Variants in TRIP11 observed in about 807,000 individuals in gnomAD.
The protein encoded by TRIP11 is thyroid hormone receptor interactor 11.
In TRIP11, 148 loss-of-function variants were observed where a neutral mutation model predicts 223.1. The ratio of observed to expected loss-of-function variants is 0.66; its 90% CI spans 0.58 to 0.76. TRIP11 has a LOEUF of 0.76. Ranked by LOEUF, TRIP11 falls within the 30% of genes least tolerant of loss-of-function variation. TRIP11 has a pLI of 0.00. For synonymous variants in TRIP11, 762 were observed against 772.6 expected (o/e 0.99, Z 0.23); for missense variants, 2,043 against 2,222.0 (o/e 0.92, Z 1.62).
intron 16 of TRIP11, among the ~76,000 whole-genome samples, chr14:91,984,218 T>C (rs1595371519): frequency 1.3e-5 from 2 of 152,326 alleles, no homozygotes; most frequent in East Asian, 3.9e-4. Flanking sequence ...CACTTTTCTT[T>C]GCACACCATA....
chr14:92,031,731 T>C (rs2057267638), intron 2 of TRIP11, among the ~76,000 whole-genome samples: 1 of 152,244 alleles, frequency 6.6e-6, no homozygotes, highest in African/African-American at 2.4e-5. Flanking sequence ...TCAAAGAACA[T>C]TGCTTATTTT....
chr14:92,022,871 T>C (rs1464630582), intron 3 of TRIP11, among the ~76,000 whole-genome samples: 1 of 152,172 alleles, frequency 6.6e-6, no homozygotes, highest in Non-Finnish European at 1.5e-5. Context: ...TATAGTACTG[T>C]ACAAATTTCA....
In TRIP11 at chr14:92,003,661, G is replaced by T; in HGVS notation, c.4315C>A (p.Leu1439Ile). Reference sequence around the variant, plus strand: ...AGGTTTGTTACTGCCTGCCTCAAAAGTTCGTTTTCATTTACTTTGTTAGTG... The same window carrying T: ...AGGTTTGTTACTGCCTGCCTCAAAATTTCGTTTTCATTTACTTTGTTAGTG... Reference protein sequence around the residue: ...NFTNKVNENELLRQAVTNLKE... With the variant: ...NFTNKVNENEILRQAVTNLKE... Residue 1439 changes from leucine to isoleucine, a missense_variant, in exon 11 of 21, where the codon CTT (leucine) becomes ATT (isoleucine). Leu to Ile is a conservative substitution (Grantham distance 5). Transcript: ENST00000267622. 6.2e-7 allele frequency: 1 copy of T among 1,614,124 alleles called. No individual in the cohort carries two copies. The highest frequency in any genetic ancestry group is 8.5e-7 in the Non-Finnish European group (1 of 1,180,012).
At chr14:91,988,246 T>G in intron 16 of TRIP11, 38 bp downstream of exon 16, 1 of 1,482,844 alleles carries the variant, frequency 6.7e-7, no homozygotes, top group Non-Finnish European at 9.4e-7. Context: ...TTAATATCAG[T>G]ATTGTAGTGG....
Position 92,004,275 on chromosome 14 carries a change from T to C in TRIP11, c.3701A>G (p.Asn1234Ser). 1 of 1,614,112 alleles carries C rather than the reference T, an allele frequency of 6.2e-7. No homozygotes were observed. The highest frequency in any genetic ancestry group is 8.5e-7 in the Non-Finnish European group (1 of 1,180,016). Residue 1234 changes from asparagine to serine, a missense_variant, in exon 11 of 21, where the codon AAT becomes AGT. By Grantham distance (46) the Asn-to-Ser change is conservative. Transcript: ENST00000267622. ...AAGCTGGGCTGACTCGTGTTGCATA[T>C]TTTGTACTGTGGTCATCACCTGCTG... ...WKQQVMTTVQ[N>S]MQHESAQLQE...
At chr14:92,011,886 G>C in intron 7 of TRIP11, 91 bp from the exon 8 acceptor site, 2 of 1,175,932 alleles carry the variant, frequency 1.7e-6, no homozygotes, top group Non-Finnish European at 2.5e-6. Context: ...CCCAATTAAA[G>C]TGTATATAAG....
rs2140156469 is a variant in TRIP11, at chr14:92,039,754, C to T, written c.-69G>A. On this transcript the variant is annotated 5_prime_UTR_variant, in exon 1 of 21. Transcript: ENST00000267622. The stretch of plus-strand genomic sequence containing the variant: ...AAACGTTTAGCGCCGCCGGGCGATC[C>T]GACCAAATATCCTTGAACGCCTGCC... 6.4e-7 allele frequency: 1 copy of T among 1,561,972 alleles called. No homozygotes were observed. The highest frequency in any genetic ancestry group is 2.4e-5 in the East Asian group (1 of 42,268).
chr14:92,011,905 G>T, intron 7 of TRIP11, 110 bp from the exon 8 acceptor site: 1 of 914,398 alleles, frequency 1.1e-6, no homozygotes, highest in Non-Finnish European at 1.7e-6. Context: ...AGCACCACTG[G>T]CAAGCAGTAA....
chr14:92,006,023 A>T lies in TRIP11; in HGVS notation c.1953T>A (p.Val651=), dbSNP rs755031158. Residue 651 remains valine, a synonymous_variant, in exon 11 of 21, where the codon GTT becomes GTA. Coordinates refer to ENST00000267622, the MANE Select transcript of TRIP11 (RefSeq NM_004239.4). ...DTLLKEREAE[V]RNLKQNLSEL... The stretch of plus-strand genomic sequence containing the variant: ...CTGAAAGATTTTGCTTTAAGTTTCT[A>T]ACTTCAGCTTCTCTTTCTTTAAGTA... The T allele has an allele frequency of 6.3e-7, 1 of 1,588,170 alleles. No individual in the cohort carries two copies. Among genetic ancestry groups the T allele is most frequent in the Non-Finnish European group, 8.5e-7 (1 of 1,171,312 alleles).
intron 19 of TRIP11, among the ~76,000 whole-genome samples, chr14:91,973,305 T>C (rs2056423372): frequency 6.6e-6 from 1 of 152,138 alleles, no homozygotes; most frequent in South Asian, 2.1e-4. Context: ...ATTACAGGCG[T>C]GAGCCACCAC....
chr14:91,984,714 T>C (rs2295165), intron 16 of TRIP11, among the ~76,000 whole-genome samples: 90,400 of 151,996 alleles, frequency 0.59, 27,527 homozygotes, highest in African/African-American at 0.72. Flanking sequence ...AGCAAGATAA[T>C]GCATTTTAAT....
rs1204038145 is a variant in TRIP11, at chr14:91,979,272, AAG to A, written c.5261-3085_5261-3084del. Among the ~76,000 whole-genome samples the A allele has an allele frequency of 8.4e-4, 126 of 150,166 alleles. 2 individuals carry two copies. Among genetic ancestry groups the A allele is most frequent in the African/African-American group, 2.7e-3 (107 of 40,238 alleles). ...ACCCTGTCTCCAAAAAAAAAAAAAA[AAG>A]AGAGAGAGAGAGAGAAAGTGAAATG... On this transcript the variant is annotated intron_variant, in intron 16 of 20. Coordinates refer to ENST00000267622, the MANE Select transcript of TRIP11 (RefSeq NM_004239.4).
chr14:91,983,870 T>C (rs1252226755), intron 16 of TRIP11, among the ~76,000 whole-genome samples: 4 of 152,248 alleles, frequency 2.6e-5, no homozygotes, highest in African/African-American at 9.6e-5. Context: ...AATGTCTTTA[T>C]TTAAAATAAA....
chr14:91,985,843 C>T (rs1392329165), intron 16 of TRIP11, among the ~76,000 whole-genome samples: 2 of 152,156 alleles, frequency 1.3e-5, no homozygotes, highest in Non-Finnish European at 2.9e-5. Flanking sequence ...TACAGCGATT[C>T]TTTTGAAACA....
At position 91,977,106 on chromosome 14, in the gene TRIP11, C is replaced by T. The variant is rs575319173; in HGVS notation, c.5261-917G>A. 6.6e-5 allele frequency: 25 copies of T among 379,088 alleles called. 1 individual carries two copies. Among genetic ancestry groups the T allele is most frequent in the South Asian group, 3.1e-4 (15 of 48,666 alleles). The allele number at this position is 379,088 out of a possible 1,614,324, so 23.5% of individuals were successfully genotyped here. A position where few individuals can be genotyped will look rare whatever the true frequency, so the allele number is the denominator to read the frequency against. Reference sequence around the variant, plus strand: ...CTATCTAGAAACATTCACATCCAAACGCTAGACTCTGCCACAAACCTTTTC... The same window carrying T: ...CTATCTAGAAACATTCACATCCAAATGCTAGACTCTGCCACAAACCTTTTC... On this transcript the variant is annotated intron_variant, in intron 16 of 20. Coordinates refer to ENST00000267622, the MANE Select transcript of TRIP11 (RefSeq NM_004239.4).
In TRIP11 at chr14:91,999,412, C is replaced by CT. The variant is rs765081394; in HGVS notation, c.4719dup (p.Glu1574ArgfsTer13). ...TCTAGCTCTTGGTTTGAACGAAATT[C>CT]TTTGTCACGTAAACGTTGAACCTAG... On this transcript the variant is annotated frameshift_variant, in exon 13 of 21. Coordinates refer to ENST00000267622, the MANE Select transcript of TRIP11 (RefSeq NM_004239.4). LOFTEE classifies it high-confidence loss of function. 3 of 1,613,724 alleles carry CT rather than the reference C, an allele frequency of 1.9e-6. No homozygotes were observed. Among genetic ancestry groups the CT allele is most frequent in the African/African-American group, 2.7e-5 (2 of 75,010 alleles).
chr14:92,005,783 CCT>C lies in TRIP11; in HGVS notation c.2191_2192del (p.Arg731AlafsTer9). On this transcript the variant is annotated frameshift_variant, in exon 11 of 21. Coordinates refer to ENST00000267622, the MANE Select transcript of TRIP11 (RefSeq NM_004239.4). LOFTEE classifies it high-confidence loss of function. ...CATACTTGTTTGCTTCTTCCAACAG[CCT>C]CTTTTTAGCCCAACACAATTCTGCC... Reference protein sequence around the residue: ...IEAELCWAKKRLLEEANKYEK... With the variant: ...IEAELCWAKKXLLEEANKYEK... 6.2e-7 allele frequency: 1 copy of C among 1,614,056 alleles called. No individual in the cohort carries two copies. Among genetic ancestry groups the C allele is most frequent in the Non-Finnish European group, 8.5e-7 (1 of 1,180,008 alleles).
intron 15 of TRIP11, among the ~76,000 whole-genome samples, chr14:91,989,151 A>G (rs547366753): frequency 1.5e-4 from 23 of 152,300 alleles, no homozygotes; most frequent in African/African-American, 5.1e-4. Flanking sequence ...TTATTACAAG[A>G]TATTTTGTAA....
At chr14:92,010,616 T>A (rs373938366) in intron 9 of TRIP11, among the ~76,000 whole-genome samples, 10 of 152,076 alleles carry the variant, frequency 6.6e-5, no homozygotes, top group Admixed American at 5.2e-4. Flanking sequence ...TCCACCAAAA[T>A]GGACACATTC....
Sources: allele counts gnomAD v4.1 joint callset (sites outside exome capture counted in the v4.1 genomes callset), GRCh38; gene constraint gnomAD v4.1.1; transcripts MANE v1.5; gene names NCBI Gene and HGNC (gene_info 2026-07-23, HGNC 2026-07-21).